Variants in NHS observed in about 807,000 individuals in gnomAD.
NHS encodes NHS actin remodeling regulator.
In NHS, 5 loss-of-function variants were observed where a neutral mutation model predicts 72.5. The observed-to-expected ratio is 0.07, with a 90% CI of 0.04 to 0.14. The LOEUF is 0.14. NHS is among the 10% of genes least tolerant of loss of function. The pLI, the probability that NHS is intolerant of heterozygous loss-of-function variation, is 1.00. For missense variants in NHS, 1,072 were observed against 1,355.7 expected (o/e 0.79, Z 3.29); for synonymous variants, 464 against 547.7 (o/e 0.85, Z 2.13).
chrX:17,419,187 G>A (rs1366422903), intron 1 of NHS, among the ~76,000 whole-genome samples: 1 of 112,661 alleles, frequency 8.9e-6, no homozygotes, highest in Non-Finnish European at 1.9e-5. Context: ...AAATCTGAAG[G>A]ACATGGTACT....
At chrX:17,622,946 T>A (rs74419643) in intron 1 of NHS, among the ~76,000 whole-genome samples, 1 of 110,662 alleles carries the variant, frequency 9.0e-6, no homozygotes, top group East Asian at 2.8e-4. Context: ...ATTTTTTTTT[T>A]AGATGGGTTC....
At chrX:17,597,361 G>A (rs1237423355) in intron 1 of NHS, among the ~76,000 whole-genome samples, 1 of 108,659 alleles carries the variant, frequency 9.2e-6, no homozygotes, top group East Asian at 2.9e-4. Context: ...TCCTGACCTC[G>A]TGATCCGCCC....
At chrX:17,705,063 A>G (rs1286877912) in intron 3 of NHS, among the ~76,000 whole-genome samples, 1 of 112,057 alleles carries the variant, frequency 8.9e-6, no homozygotes, top group Admixed American at 9.5e-5. Flanking sequence ...TCAGCAGCAG[A>G]AGAGTGGAGA....
At chrX:17,664,656 TTC>T (rs1017371792) in intron 1 of NHS, among the ~76,000 whole-genome samples, 1 of 112,272 alleles carries the variant, frequency 8.9e-6, no homozygotes, top group Non-Finnish European at 1.9e-5. Flanking sequence ...TCCAAATTTG[TTC>T]TCTGTCAAGA....
At chrX:17,410,516 C>CTT (rs200959395) in intron 1 of NHS, among the ~76,000 whole-genome samples, 1,669 of 82,143 alleles carry the variant, frequency 0.02, 20 homozygotes, top group African/African-American at 0.043. Flanking sequence ...CAACTCTCTG[C>CTT]TTTTTTTTTT....
intron 1 of NHS, among the ~76,000 whole-genome samples, chrX:17,622,521 T>A (rs930828433): frequency 3.6e-5 from 4 of 112,399 alleles, no homozygotes; most frequent in Non-Finnish European, 7.5e-5. Context: ...GCTAAAATCA[T>A]GTTCTGGAAC....
chrX:17,457,252 C>T (rs367622736), intron 1 of NHS, among the ~76,000 whole-genome samples: 22 of 111,338 alleles, frequency 2.0e-4, no homozygotes, highest in East Asian at 1.4e-3. Context: ...AAAGGATAAC[C>T]TGAGGGTGGG....
chrX:17,732,380 G>A lies in NHS; in HGVS notation c.4872G>A (p.Thr1624=), dbSNP rs145842691. ...GTGTCCGCTGCCGGCTGTACAATAC[G>A]CCCATGCAGGCAATCTCCGAGGGAG... ...RYSVRCRLYN[T]PMQAISEGET... Residue 1624 remains threonine, a synonymous_variant, in exon 9 of 9, where the codon ACG becomes ACA. Transcript: ENST00000676302. 15 of 1,211,372 alleles carry A rather than the reference G, an allele frequency of 1.2e-5. No individual in the cohort carries two copies. The African/African-American group carries it at 1.6e-4, about 13-fold the overall frequency.
intron 3 of NHS, among the ~76,000 whole-genome samples, chrX:17,694,171 T>G (rs2066214004): frequency 8.9e-6 from 1 of 112,292 alleles, no homozygotes; most frequent in Non-Finnish European, 1.9e-5. Flanking sequence ...CAAACATCAA[T>G]AAGAGAAGAC....
At chrX:17,420,315 C>T (rs2064617136) in intron 1 of NHS, among the ~76,000 whole-genome samples, 1 of 111,787 alleles carries the variant, frequency 8.9e-6, no homozygotes, top group Admixed American at 9.5e-5. Context: ...CTCATCCGTC[C>T]ACCCCTGCAC....
chrX:17,614,979 G>A (rs1435805038), intron 1 of NHS, among the ~76,000 whole-genome samples: 1 of 105,292 alleles, frequency 9.5e-6, no homozygotes, highest in African/African-American at 3.5e-5. Context: ...TTACTTCCCT[G>A]ATAGCTTAAT....
rs1276325802 is a variant in NHS at position 17,728,779 on chromosome X, A to G, written c.4349+4A>G. The G allele has an allele frequency of 1.7e-6, 2 of 1,209,739 alleles. No homozygotes were observed. ...ATTTATTTGCAGTCATTCACAGGTG[A>G]GGCAACATTACCAAGTCCCCCAAAA... On this transcript the variant is annotated splice_donor_region_variant and intron_variant, in intron 8 of 8. Transcript: ENST00000676302.
chrX:17,568,683 A>ATTATTG (rs1343990552), intron 1 of NHS, among the ~76,000 whole-genome samples: 1 of 105,593 alleles, frequency 9.5e-6, no homozygotes, highest in African/African-American at 3.5e-5. Flanking sequence ...TATTATTATT[A>ATTATTG]TGCTTTAAGT....
chrX:17,430,313 T>TTCTA (rs2064686989), intron 1 of NHS, among the ~76,000 whole-genome samples: 1 of 86,300 alleles, frequency 1.2e-5, no homozygotes, highest in Non-Finnish European at 2.2e-5. Context: ...CTTTCTTTCT[T>TTCTA]TCCTTTCTTT....
In NHS at chrX:17,615,250, A is replaced by G. The variant is rs201521113; in HGVS notation, c.566-72492A>G. 2.8e-3 allele frequency among the ~76,000 whole-genome samples: 251 copies of G among 88,702 alleles called. 2 individuals are homozygous for G. Among genetic ancestry groups the G allele is most frequent in the Middle Eastern group, 5.5e-3 (1 of 181 alleles). The allele number at this position is 88,702 out of a possible 115,157, so 77.0% of individuals were successfully genotyped here. On this transcript the variant is annotated intron_variant, in intron 1 of 8. Coordinates refer to ENST00000676302, the MANE Select transcript of NHS (RefSeq NM_001291867.2). ...CACATATATATACGTATATATATAC[A>G]CATATATACACATATATATATATAT...
intron 1 of NHS, among the ~76,000 whole-genome samples, chrX:17,425,568 A>AAAAGAAAGAAAG (rs1474964907): frequency 7.8e-5 from 6 of 77,081 alleles, no homozygotes; most frequent in East Asian, 8.5e-4. Flanking sequence ...AAAAAAAAAA[A>AAAAGAAAGAAAG]AAAGAAAGAA....
At position 17,732,583 on chromosome X, in the gene NHS, A is replaced by G; in HGVS notation, c.*119A>G. On this transcript the variant is annotated 3_prime_UTR_variant, in exon 9 of 9. Coordinates refer to ENST00000676302, the MANE Select transcript of NHS (RefSeq NM_001291867.2). ...GATGGGGTAGCATCACTGCTAAGCA[A>G]TGAATGAATTTCTAAATACAGTATG... The G allele has an allele frequency of 2.9e-6, 3 of 1,036,184 alleles. No homozygotes were observed. Among genetic ancestry groups the G allele is most frequent in the Admixed American group, 4.5e-5 (2 of 44,211 alleles). The allele number at this position is 1,036,184 out of a possible 1,213,427, so 85.4% of individuals were successfully genotyped here.
Position 17,727,535 on chromosome X carries a change from T to C in NHS, c.3429T>C (p.Leu1143=). The C allele has an allele frequency of 8.3e-7, 1 of 1,211,731 alleles. No individual in the cohort carries two copies. The highest frequency in any genetic ancestry group is 1.1e-6 in the Non-Finnish European group (1 of 895,470). The change falls in exon 7 of 9, where the codon CTT becomes CTC. Residue 1143 remains leucine, a synonymous_variant. Coordinates refer to ENST00000676302, the MANE Select transcript of NHS (RefSeq NM_001291867.2). The part of the protein sequence containing the change: ...ITPTILKSVN[L]RSINKSEEVK... ...CAACGATCCTGAAATCTGTTAACCT[T>C]AGGTCCATCAACAAGTCTGAAGAAG...
intron 1 of NHS, chrX:17,585,798 T>A (rs1276341185): frequency 2.8e-5 from 3 of 108,882 alleles, no homozygotes; most frequent in Non-Finnish European, 5.7e-5. Flanking sequence ...AAAATCACAT[T>A]CTAGATGAGC....
Sources: gnomAD v4.1 joint callset for allele counts (sites outside exome capture counted in the v4.1 genomes callset) on GRCh38, gnomAD v4.1.1 for gene constraint, MANE v1.5 for transcripts, NCBI Gene and HGNC (gene_info 2026-07-23, HGNC 2026-07-21) for gene names.